The following MAST4 variants were observed in gnomAD, a reference collection of about 807,000 sequenced individuals.
MAST4 encodes the protein microtubule-associated serine/threonine-protein kinase 4.
A neutral mutation model predicts 162.7 loss-of-function variants in MAST4; 89 were observed. That is an observed-to-expected ratio of 0.55 (90% confidence interval 0.46 to 0.65). The LOEUF (loss-of-function observed/expected upper bound fraction) is 0.65. MAST4 is among the 30% of genes least tolerant of loss of function. The probability of loss-of-function intolerance (pLI) is 0.00; values close to 1 mark genes in which losing one functional copy is unlikely to be tolerated. For missense variants in MAST4, 3,153 were observed against 3,374.0 expected (o/e 0.93, Z 1.62); for synonymous variants, 1,479 against 1,361.1 (o/e 1.09, Z -1.91).
intron 4 of MAST4, among the ~76,000 whole-genome samples, chr5:66,911,664 A>T (rs1763787524): frequency 6.8e-6 from 1 of 146,140 alleles, no homozygotes; most frequent in African/African-American, 2.5e-5. Flanking sequence ...TGAACCCAGG[A>T]GTTTGAGGTA....
At chr5:66,704,489 G>GTTTT (rs1749984358) in intron 1 of MAST4, among the ~76,000 whole-genome samples, 2 of 100,906 alleles carry the variant, frequency 2.0e-5, no homozygotes, top group African/African-American at 8.9e-5. Context: ...GTTGCTTGTT[G>GTTTT]TTCTTTTTTT....
At chr5:66,949,749 C>T (rs7714441) in intron 4 of MAST4, among the ~76,000 whole-genome samples, 10,351 of 152,004 alleles carry the variant, frequency 0.068, 1,094 homozygotes, top group African/African-American at 0.23. Flanking sequence ...TCCTATTTTT[C>T]GTGGTTCTGA....
chr5:67,094,033 TA>T, intron 6 of MAST4: 1 of 532,992 alleles, frequency 1.9e-6, no homozygotes, highest in Non-Finnish European at 3.1e-6. Flanking sequence ...TTCAGTTGTT[TA>T]AAAGTATTTC....
At chr5:67,139,684 C>A (rs1204360272) in intron 19 of MAST4, among the ~76,000 whole-genome samples, 2 of 152,180 alleles carry the variant, frequency 1.3e-5, no homozygotes, top group African/African-American at 2.4e-5. Context: ...GTTTCTTTTA[C>A]CTTCATAATG....
chr5:67,139,335 A>G (rs1295983339), intron 19 of MAST4, among the ~76,000 whole-genome samples: 2 of 152,274 alleles, frequency 1.3e-5, no homozygotes, highest in East Asian at 1.9e-4. Flanking sequence ...TGTGAAGAAC[A>G]TAATGGATGT....
chr5:67,121,223 C>T, intron 14 of MAST4, 121 bp downstream of exon 14: 1 of 730,838 alleles, frequency 1.4e-6, no homozygotes, highest in Non-Finnish European at 2.2e-6. Context: ...CAGATCACTG[C>T]TCCTTTCCTG....
At chr5:66,757,487 A>G (rs1383300385) in intron 1 of MAST4, among the ~76,000 whole-genome samples, 1 of 152,248 alleles carries the variant, frequency 6.6e-6, no homozygotes, top group African/African-American at 2.4e-5. Flanking sequence ...TCTACCTGAT[A>G]TAATCTTATG....
intron 1 of MAST4, among the ~76,000 whole-genome samples, chr5:66,659,665 T>C (rs557740247): frequency 3.3e-5 from 5 of 152,338 alleles, no homozygotes; most frequent in Admixed American, 2.0e-4. Flanking sequence ...TTGGCCAACA[T>C]TGATTGATAT....
chr5:66,727,320 T>C (rs1012582590), intron 1 of MAST4, among the ~76,000 whole-genome samples: 21 of 152,218 alleles, frequency 1.4e-4, no homozygotes, highest in African/African-American at 4.8e-4. Context: ...TTTCAATTTC[T>C]GCAAAATGCT....
At chr5:67,049,078 T>TATACACGTATATATATATATATATAC (rs1381641749) in intron 4 of MAST4, among the ~76,000 whole-genome samples, 2 of 138,782 alleles carry the variant, frequency 1.4e-5, no homozygotes, top group African/African-American at 5.6e-5. Flanking sequence ...TATATATATA[T>TATACACGTATATATATATATATATAC]ACACTACCAT....
At chr5:66,733,212 C>G (rs1284609308) in intron 1 of MAST4, among the ~76,000 whole-genome samples, 2 of 152,074 alleles carry the variant, frequency 1.3e-5, no homozygotes, top group Non-Finnish European at 2.9e-5. Context: ...CTTCAGTTGT[C>G]CTGCCTCTGT....
rs1234337563 is a variant in MAST4 at position 67,085,588 on chromosome 5, C to A, written c.764-4574C>A. ...CCCAGATTATAAGAAAGCCTTGATT[C>A]ATTGTGTATAATTCTGTCTTTACTT... On this transcript the variant is annotated intron_variant, in intron 5 of 28. Coordinates refer to ENST00000403625, the MANE Select transcript of MAST4 (RefSeq NM_001164664.2). Among the ~76,000 whole-genome samples the A allele has an allele frequency of 2.6e-5, 4 of 152,126 alleles. No homozygotes were observed. In the East Asian group the frequency reaches 7.7e-4, roughly 29 times the overall value.
At position 67,158,316 on chromosome 5, in the gene MAST4, A is replaced by G. The variant is rs190694238; in HGVS notation, c.3649-2140A>G. ...TTATTATTTTGCGATAGAAAACAAA[A>G]TAAACTTTTTTCTCTTGTTGAAGTT... On this transcript the variant is annotated intron_variant, in intron 26 of 28. Coordinates refer to ENST00000403625, the MANE Select transcript of MAST4 (RefSeq NM_001164664.2). Among the ~76,000 whole-genome samples the G allele has an allele frequency of 8.5e-5, 13 of 152,340 alleles. No individual in the cohort carries two copies. In the East Asian group the frequency reaches 2.3e-3, roughly 27 times the overall value.
chr5:66,879,365 T>C (rs1257862496), intron 3 of MAST4, among the ~76,000 whole-genome samples: 3 of 8,502 alleles, frequency 3.5e-4, no homozygotes, highest in South Asian at 4.2e-3. Flanking sequence ...CACACACATA[T>C]ATATATATAT....
At chr5:67,142,383 C>A in intron 20 of MAST4, 38 bp from the exon 21 acceptor site, 1 of 1,523,630 alleles carries the variant, frequency 6.6e-7, no homozygotes, top group South Asian at 1.2e-5. Flanking sequence ...TGTTGAAAAT[C>A]TGAGTAATTG....
chr5:66,946,299 A>T (rs895116214), intron 4 of MAST4, among the ~76,000 whole-genome samples: 2 of 152,108 alleles, frequency 1.3e-5, no homozygotes, highest in African/African-American at 4.8e-5. Context: ...CTCTATTTTT[A>T]TATCTCAGTT....
chr5:66,835,659 A>G (rs533752339), intron 3 of MAST4, among the ~76,000 whole-genome samples: 1 of 152,336 alleles, frequency 6.6e-6, no homozygotes, highest in African/African-American at 2.4e-5. Flanking sequence ...ACCACCAATC[A>G]TTTTGTTGTT....
At chr5:66,684,036 T>C (rs1006772211) in intron 1 of MAST4, among the ~76,000 whole-genome samples, 2 of 152,200 alleles carry the variant, frequency 1.3e-5, no homozygotes, top group Non-Finnish European at 1.5e-5. Flanking sequence ...CTTTTAGATG[T>C]TGGAGAACAA....
At chr5:67,157,247 A>C (rs952415313) in intron 26 of MAST4, among the ~76,000 whole-genome samples, 6 of 152,196 alleles carry the variant, frequency 3.9e-5, no homozygotes, top group African/African-American at 1.2e-4. Flanking sequence ...TTCCAACCTA[A>C]TTATTGTACT....
Sources: gnomAD v4.1 joint callset for allele counts (sites outside exome capture counted in the v4.1 genomes callset) on GRCh38, gnomAD v4.1.1 for gene constraint, MANE v1.5 for transcripts, NCBI Gene and HGNC (gene_info 2026-07-23, HGNC 2026-07-21) for gene names.